The following POC1B variants were observed in gnomAD, a reference collection of about 807,000 sequenced individuals.
POC1B encodes POC1 centriolar protein homolog B.
Under a neutral mutation model 60.6 loss-of-function variants are expected in POC1B, and 44 were observed. The observed-to-expected ratio is 0.73, with a 90% CI of 0.57 to 0.93. The LOEUF is 0.93. POC1B is among the 40% of genes least tolerant of loss of function. The pLI, the probability that POC1B is intolerant of heterozygous loss-of-function variation, is 0.00. For synonymous variants in POC1B, 180 were observed against 198.9 expected, an observed-to-expected ratio of 0.90 and a Z score of 0.80; for missense variants, 555 against 572.3, an observed-to-expected ratio of 0.97 and a Z score of 0.31.
intron 10 of POC1B, among the ~76,000 whole-genome samples, chr12:89,434,353 G>A (rs1448584622): frequency 1.3e-5 from 2 of 152,102 alleles, no homozygotes; most frequent in African/African-American, 4.8e-5. Context: ...CAGTCACCTC[G>A]GAAAAGACAG....
intron 2 of POC1B, among the ~76,000 whole-genome samples, chr12:89,515,132 A>G (rs1870384757): frequency 6.6e-6 from 1 of 152,054 alleles, no homozygotes; most frequent in African/African-American, 2.4e-5. Flanking sequence ...CTCCATTTCA[A>G]CTCTGAGCAT....
intron 8 of POC1B, 42 bp from the exon 9 acceptor site, chr12:89,466,964 T>C (rs758573960): frequency 2.6e-6 from 4 of 1,568,420 alleles, no homozygotes; most frequent in African/African-American, 2.7e-5. Context: ...TTGACTTGCA[T>C]GTACAAGCAA....
At chr12:89,473,666 G>GAAAAAA (rs1163868772) in intron 4 of POC1B, among the ~76,000 whole-genome samples, 2,084 of 107,264 alleles carry the variant, frequency 0.019, no homozygotes, top group Middle Eastern at 0.034. Context: ...CCTCAGAAAA[G>GAAAAAA]AAAAAAAAAA....
intron 10 of POC1B, among the ~76,000 whole-genome samples, chr12:89,454,154 C>T (rs943773633): frequency 6.6e-6 from 1 of 152,170 alleles, no homozygotes; most frequent in African/African-American, 2.4e-5. Flanking sequence ...TTTCTCTCAT[C>T]AGCCCCTCTG....
chr12:89,473,317 T>C (rs1301891560), intron 4 of POC1B, among the ~76,000 whole-genome samples: 1 of 152,230 alleles, frequency 6.6e-6, no homozygotes, highest in African/African-American at 2.4e-5. Context: ...ACTTTGCATC[T>C]GGCGTTCACA....
In POC1B at chr12:89,466,831, TGTG is replaced by T; in HGVS notation, c.968_970del (p.Pro323del). ...TGTTCTTGGGTAGATATCAAGAAGA[TGTG>T]GTGGTGAATCAAAATGTAATCTTTT... is the stretch of plus-strand genomic sequence containing the variant. On this transcript the variant is annotated inframe_deletion, in exon 9 of 12. Coordinates refer to ENST00000313546, the MANE Select transcript of POC1B (RefSeq NM_172240.3). The T allele has an allele frequency of 6.2e-7, 1 of 1,613,250 alleles. No homozygotes were observed. The highest frequency in any genetic ancestry group is 8.5e-7 in the Non-Finnish European group (1 of 1,179,406).
At chr12:89,422,036 G>T (rs1413707875) in intron 11 of POC1B, among the ~76,000 whole-genome samples, 2 of 136,244 alleles carry the variant, frequency 1.5e-5, no homozygotes, top group African/African-American at 5.1e-5. Context: ...TCATTCTTTT[G>T]TATCTTTTTT....
chr12:89,425,906 CAGG>C (rs1243818344), intron 10 of POC1B: 1 of 152,640 alleles, frequency 6.6e-6, no homozygotes, highest in Non-Finnish European at 1.5e-5. Context: ...CGTATACATC[CAGG>C]AGAACTCTGA....
chr12:89,521,759 G>A (rs1870897831), intron 2 of POC1B: 2 of 359,026 alleles, frequency 5.6e-6, no homozygotes, highest in Non-Finnish European at 1.0e-5. Context: ...TCGGTGCTAG[G>A]AGATTGAAAG....
chr12:89,492,279 G>A (rs890009851), intron 3 of POC1B, among the ~76,000 whole-genome samples, 164 bp from the exon 4 acceptor site: 2 of 152,064 alleles, frequency 1.3e-5, no homozygotes, highest in Non-Finnish European at 2.9e-5. Context: ...TGTACTCTTC[G>A]TCAACACTGA....
chr12:89,471,571 G>A (rs551966171), intron 6 of POC1B, 43 bp downstream of exon 6: 12 of 1,437,110 alleles, frequency 8.4e-6, no homozygotes, highest in African/African-American at 1.4e-5. Context: ...CTTCCAAAAG[G>A]AGTCCATTCG....
At chr12:89,455,757 T>G (rs1386906506) in intron 10 of POC1B, among the ~76,000 whole-genome samples, 4 of 152,236 alleles carry the variant, frequency 2.6e-5, no homozygotes, top group Admixed American at 2.6e-4. Flanking sequence ...ACACATATTC[T>G]GCATTATGTT....
rs779545040 is a variant in POC1B at position 89,421,111 on chromosome 12, T to G, written c.*42A>C. On this transcript the variant is annotated 3_prime_UTR_variant, in exon 12 of 12. Transcript: ENST00000313546. ...TCCTGAGTGTATGTACATTTGTTCA[T>G]TTATTGGGCCTCTGCCCAACAAATG... is the stretch of plus-strand genomic sequence containing the variant. 3.4e-6 allele frequency: 5 copies of G among 1,472,074 alleles called. No individual in the cohort carries two copies. The Admixed American group carries it at 9.4e-5, about 28-fold the overall frequency. 91.2% of individuals were successfully genotyped at this position (1,472,074 alleles called of 1,614,324 possible). A position where few individuals can be genotyped will look rare whatever the true frequency, so the allele number is the denominator to read the frequency against.
At chr12:89,450,746 G>T (rs1882005127) in intron 10 of POC1B, among the ~76,000 whole-genome samples, 1 of 152,102 alleles carries the variant, frequency 6.6e-6, no homozygotes, top group African/African-American at 2.4e-5. Flanking sequence ...ACCTTTAAAG[G>T]TTTTTGTCAT....
At chr12:89,413,274 T>C in the POC1B span, among the ~76,000 whole-genome samples, 18 of 152,132 alleles carry the variant, frequency 1.2e-4, no homozygotes, top group Non-Finnish European at 1.9e-4. Context: ...GGTGCAATAA[T>C]AGCTCTCTGC....
Position 89,471,639 on chromosome 12 carries a change from C to T in POC1B, c.651G>A (p.Val217=). ...CTTGGTAATGCTGTAGTAATTTGTT[C>T]ACTCTTACATCCCAGACTTTCACAG... The part of the protein sequence containing the change: ...DQTVKVWDVR[V]NKLLQHYQVH... Residue 217 remains valine (V), a synonymous_variant, in exon 6 of 12, where the codon GTG becomes GTA. Transcript: ENST00000313546. 3.1e-6 allele frequency: 5 copies of T among 1,611,404 alleles called. No homozygotes were observed. The highest frequency in any genetic ancestry group is 4.2e-6 in the Non-Finnish European group (5 of 1,178,598).
At chr12:89,522,252 A>G in intron 2 of POC1B, 1 of 398,336 alleles carries the variant, frequency 2.5e-6, no homozygotes, top group East Asian at 3.6e-5. Context: ...GCCCTCTTCC[A>G]ATTACACATA....
intron 3 of POC1B, among the ~76,000 whole-genome samples, chr12:89,496,466 A>T (rs1316282262): frequency 6.6e-6 from 1 of 152,192 alleles, no homozygotes; most frequent in Admixed American, 6.5e-5. Context: ...CAGAATCCTG[A>T]CAACTGTTGA....
chr12:89,455,113 C>T (rs1405112591), intron 10 of POC1B, among the ~76,000 whole-genome samples: 1 of 152,124 alleles, frequency 6.6e-6, no homozygotes, highest in African/African-American at 2.4e-5. Context: ...GTGGGTGGAT[C>T]ACTTGAGGTC....
Sources: allele counts gnomAD v4.1 joint callset (sites outside exome capture counted in the v4.1 genomes callset), GRCh38; gene constraint gnomAD v4.1.1; transcripts MANE v1.5; gene names NCBI Gene and HGNC (gene_info 2026-07-23, HGNC 2026-07-21).